The following IL22RA1 variants were observed in gnomAD, a reference collection of about 807,000 sequenced individuals.
IL22RA1 encodes interleukin-22 receptor subunit alpha-1.
IL22RA1 carries 25 observed loss-of-function variants against 32.8 expected under a neutral mutation model. The observed-to-expected ratio is 0.76, with a 90% CI of 0.55 to 1.06. The LOEUF (loss-of-function observed/expected upper bound fraction) is 1.06, where lower values mean the gene tolerates loss of function less well. IL22RA1 is among the 50% of genes least tolerant of loss of function. IL22RA1 has a pLI of 0.00. For synonymous variants in IL22RA1, 305 were observed against 305.0 expected (o/e 1.00, Z 0.00); for missense variants, 709 against 727.4 (o/e 0.97, Z 0.29).
At chr1:24,138,779 T>A (rs1644260848) in intron 1 of IL22RA1, 65 bp from the exon 2 acceptor site, 1 of 1,558,942 alleles carries the variant, frequency 6.4e-7, no homozygotes, top group African/African-American at 1.4e-5. Context: ...ATGTATGGGC[T>A]CAGTCAGAGT....
At chr1:24,123,459 G>A (rs1179536977) in intron 5 of IL22RA1, 36 bp from the exon 6 acceptor site, 14 of 1,604,784 alleles carry the variant, frequency 8.7e-6, no homozygotes, top group Non-Finnish European at 1.2e-5. Flanking sequence ...GGAAGCGTGA[G>A]GCTGGGCTCT....
At chr1:24,129,223 T>A (rs1231048281) in intron 4 of IL22RA1, among the ~76,000 whole-genome samples, 1 of 152,222 alleles carries the variant, frequency 6.6e-6, no homozygotes, top group Non-Finnish European at 1.5e-5. Context: ...TCTGCAAGAT[T>A]TGCTCTTCAA....
chr1:24,129,488 C>T (rs1227985681), intron 4 of IL22RA1, among the ~76,000 whole-genome samples: 1 of 152,230 alleles, frequency 6.6e-6, no homozygotes, highest in East Asian at 1.9e-4. Flanking sequence ...GCTTTTGATT[C>T]TCTAATTTTG....
Position 24,138,581 on chromosome 1 carries a change from C to G in IL22RA1, c.176+1G>C. 1 of 1,614,094 alleles carries G rather than the reference C, an allele frequency of 6.2e-7. No individual in the cohort carries two copies. Among genetic ancestry groups the G allele is most frequent in the Non-Finnish European group, 8.5e-7 (1 of 1,179,996 alleles). ...GAGGTGGGGTCAAGAGAGAAGCCTA[C>G]GTCTTATACTCGATGCTGTAGACCG... On this transcript the variant is annotated splice_donor_variant, in intron 2 of 6. Coordinates refer to ENST00000270800, the MANE Select transcript of IL22RA1 (RefSeq NM_021258.4). LOFTEE classifies it high-confidence loss of function.
At chr1:24,124,157 C>A (rs965979389) in intron 5 of IL22RA1, among the ~76,000 whole-genome samples, 4 of 152,094 alleles carry the variant, frequency 2.6e-5, no homozygotes, top group African/African-American at 4.8e-5. Context: ...CAGAGAAGGG[C>A]CTTCTAAAGT....
At chr1:24,129,041 T>C (rs1185632849) in intron 4 of IL22RA1, among the ~76,000 whole-genome samples, 1 of 152,166 alleles carries the variant, frequency 6.6e-6, no homozygotes, top group Non-Finnish European at 1.5e-5. Context: ...CCCTTGTTTC[T>C]TTGCATCTGC....
At chr1:24,128,528 T>C (rs1570904717) in intron 4 of IL22RA1, among the ~76,000 whole-genome samples, 1 of 76,866 alleles carries the variant, frequency 1.3e-5, no homozygotes. Flanking sequence ...TGTGGTTATA[T>C]ACATATATAT....
intron 1 of IL22RA1, among the ~76,000 whole-genome samples, chr1:24,140,877 T>A (rs1395705177): frequency 6.6e-6 from 1 of 152,254 alleles, no homozygotes; most frequent in Non-Finnish European, 1.5e-5. Context: ...TGAATATGTC[T>A]GTGCCTCTCC....
intron 6 of IL22RA1, 107 bp downstream of exon 6, chr1:24,123,195 C>A (rs1644137168): frequency 7.0e-7 from 1 of 1,424,888 alleles, no homozygotes; most frequent in African/African-American, 1.4e-5. Flanking sequence ...AGAGCAGGCC[C>A]ATCTCCTGCT....
At chr1:24,122,453 T>C (rs1362100516) in intron 6 of IL22RA1, among the ~76,000 whole-genome samples, 1 of 152,178 alleles carries the variant, frequency 6.6e-6, no homozygotes, top group Non-Finnish European at 1.5e-5. Context: ...CTAAAAGAAC[T>C]GTAACAAAGG....
rs775849774 is a variant in IL22RA1, at chr1:24,143,033, C to T, written c.43+7G>A. On this transcript the variant is annotated splice_region_variant and intron_variant, in intron 1 of 6. Coordinates refer to ENST00000270800, the MANE Select transcript of IL22RA1 (RefSeq NM_021258.4). ...GAGGTCTGACCACAGGGTAGATGGG[C>T]ACTCACCAGCCAGGGATCCCACAGT... 1.2e-6 allele frequency: 2 copies of T among 1,612,774 alleles called. No homozygotes were observed. Among genetic ancestry groups the T allele is most frequent in the Admixed American group, 3.3e-5 (2 of 59,898 alleles).
intron 6 of IL22RA1, among the ~76,000 whole-genome samples, chr1:24,122,746 C>T (rs972125565): frequency 1.3e-5 from 2 of 151,418 alleles, no homozygotes; most frequent in African/African-American, 2.4e-5. Context: ...TGTGCTGAGA[C>T]GAGATCATGC....
At chr1:24,131,254 G>A (rs994137177) in intron 4 of IL22RA1, among the ~76,000 whole-genome samples, 3 of 152,176 alleles carry the variant, frequency 2.0e-5, no homozygotes, top group African/African-American at 4.8e-5. Flanking sequence ...ATTAGATAGT[G>A]GTGATGGTTT....
At chr1:24,142,988 C>G in intron 1 of IL22RA1, 52 bp downstream of exon 1, 1 of 1,554,168 alleles carries the variant, frequency 6.4e-7, no homozygotes, top group Non-Finnish European at 8.8e-7. Context: ...TGACCCTGAT[C>G]GTTGGCCCCT....
In IL22RA1 at chr1:24,138,442, G is replaced by A. The variant is rs546339704; in HGVS notation, c.176+140C>T. 1.1e-5 allele frequency: 10 copies of A among 871,912 alleles called. 1 individual carries two copies. The highest frequency in any genetic ancestry group is 2.3e-4 in the Middle Eastern group (1 of 4,346). The allele number at this position is 871,912 out of a possible 1,614,324, so 54.0% of individuals were successfully genotyped here. On this transcript the variant is annotated intron_variant, in intron 2 of 6. Coordinates refer to ENST00000270800, the MANE Select transcript of IL22RA1 (RefSeq NM_021258.4). Reference sequence around the variant, plus strand: ...TCTCCCTCTGCAAAAGAAACATAAAGGAGCAAAGCTTTATCTGGGAGGGGC... The same window carrying A: ...TCTCCCTCTGCAAAAGAAACATAAAAGAGCAAAGCTTTATCTGGGAGGGGC...
At chr1:24,139,175 A>C (rs1008736876) in intron 1 of IL22RA1, among the ~76,000 whole-genome samples, 1 of 152,214 alleles carries the variant, frequency 6.6e-6, no homozygotes, top group Non-Finnish European at 1.5e-5. Flanking sequence ...GTGTCTGTGA[A>C]TGTCCCTACT....
In IL22RA1 at chr1:24,138,641, C is replaced by T; in HGVS notation, c.117G>A (p.Leu39=). The T allele has an allele frequency of 6.2e-7, 1 of 1,614,126 alleles. No individual in the cohort carries two copies. The highest frequency in any genetic ancestry group is 8.5e-7 in the Non-Finnish European group (1 of 1,180,002). The change falls in exon 2 of 7, where the codon CTG becomes CTA. Residue 39 remains leucine (L), a synonymous_variant. Coordinates refer to ENST00000270800, the MANE Select transcript of IL22RA1 (RefSeq NM_021258.4). ...KFQSSNFENI[L]TWDSGPEGTP... is the part of the protein sequence containing the mutation. ...TGCCCTCCGGCCCGCTGTCCCACGT[C>T]AGGATGTTTTCAAAGTTGCTGGACT...
chr1:24,121,342 C>T lies in IL22RA1; in HGVS notation c.1188G>A (p.Pro396=), dbSNP rs143412406. 7.2e-4 allele frequency: 1,157 copies of T among 1,600,990 alleles called. 3 individuals are homozygous for T. The African/African-American group carries it at 0.01, about 14-fold the overall frequency. Residue 396 remains proline, a synonymous_variant, in exon 7 of 7, where the codon CCG becomes CCA. Transcript: ENST00000270800. The part of the protein sequence containing the change: ...QPSSYAPQAT[P]DSWPPSYGVC... Reference sequence around the variant, plus strand: ...CCCCATAGGAGGGAGGCCAGCTGTCCGGAGTGGCTTGAGGGGCATAGGAGG... The same window carrying T: ...CCCCATAGGAGGGAGGCCAGCTGTCTGGAGTGGCTTGAGGGGCATAGGAGG...
At chr1:24,134,936 C>T in intron 3 of IL22RA1, 1 of 590,920 alleles carries the variant, frequency 1.7e-6, no homozygotes, top group Non-Finnish European at 2.1e-6. Context: ...GGGTCTTCTT[C>T]CTGCCAAAAT....
Sources: allele counts gnomAD v4.1 joint callset (sites outside exome capture counted in the v4.1 genomes callset), GRCh38; gene constraint gnomAD v4.1.1; transcripts MANE v1.5; gene names NCBI Gene and HGNC (gene_info 2026-07-23, HGNC 2026-07-21).